The following PCDH9 variants were observed in gnomAD, a reference collection of about 807,000 sequenced individuals.
PCDH9 encodes protocadherin 9, also known as protocadherin-9.
PCDH9 carries 24 observed loss-of-function variants against 70.6 expected under a neutral mutation model. The observed-to-expected ratio is 0.34, with a 90% confidence interval of 0.25 to 0.48. The LOEUF is 0.48. Among genes scored for constraint, PCDH9 ranks in the 20% least tolerant of loss-of-function variants. The pLI is 0.99. For missense variants in PCDH9, 1,281 were observed against 1,503.6 expected (o/e 0.85, Z 2.45); for synonymous variants, 562 against 558.5 (o/e 1.01, Z -0.09).
intron 4 of PCDH9, among the ~76,000 whole-genome samples, chr13:66,572,693 C>T (rs536245921): frequency 5.3e-5 from 8 of 152,158 alleles, no homozygotes; most frequent in South Asian, 2.1e-4. Flanking sequence ...ATCTTTTCTA[C>T]GCATTGATCT....
At chr13:67,140,025 A>C (rs954426732) in intron 2 of PCDH9, among the ~76,000 whole-genome samples, 6,984 of 65,830 alleles carry the variant, frequency 0.11, 20 homozygotes, top group Non-Finnish European at 0.11. Context: ...TTTTTTGATC[A>C]CCCCCCCCCC....
At chr13:66,638,706 GAA>G (rs745822587) in intron 3 of PCDH9, among the ~76,000 whole-genome samples, 20 of 152,152 alleles carry the variant, frequency 1.3e-4, no homozygotes, top group Non-Finnish European at 2.4e-4. Flanking sequence ...TTTATTTACT[GAA>G]TGAAGATGAG....
chr13:67,180,782 G>A (rs1165837588), intron 2 of PCDH9, among the ~76,000 whole-genome samples: 2 of 152,020 alleles, frequency 1.3e-5, no homozygotes, highest in South Asian at 2.1e-4. Context: ...GCATTTCTGA[G>A]GCAAGTCTGA....
chr13:66,927,588 T>C (rs564112323), intron 2 of PCDH9, among the ~76,000 whole-genome samples: 1 of 152,096 alleles, frequency 6.6e-6, no homozygotes, highest in African/African-American at 2.4e-5. Context: ...TTTCTCACTA[T>C]ACTGGAGCCT....
intron 3 of PCDH9, among the ~76,000 whole-genome samples, chr13:66,653,756 A>G (rs1460836988): frequency 6.6e-6 from 1 of 152,052 alleles, no homozygotes; most frequent in Non-Finnish European, 1.5e-5. Flanking sequence ...TCATGAGGTC[A>G]GGAGACCCAG....
intron 2 of PCDH9, among the ~76,000 whole-genome samples, chr13:67,016,500 C>T (rs2084564661): frequency 6.6e-6 from 1 of 152,148 alleles, no homozygotes; most frequent in Admixed American, 6.5e-5. Flanking sequence ...GGCTCAAAGC[C>T]ATTATAGAGA....
chr13:66,408,834 C>T (rs530716417), intron 4 of PCDH9, among the ~76,000 whole-genome samples: 51 of 152,044 alleles, frequency 3.4e-4, no homozygotes, highest in Non-Finnish European at 6.2e-4. Flanking sequence ...TTCAAAATTA[C>T]TATTTCTTTT....
intron 2 of PCDH9, among the ~76,000 whole-genome samples, chr13:67,077,472 C>T (rs1219367543): frequency 6.6e-6 from 1 of 152,202 alleles, no homozygotes; most frequent in Non-Finnish European, 1.5e-5. Context: ...TGTTCCTCTA[C>T]ACCCTCCACT....
chr13:67,127,676 A>ATGTG (rs142545550), intron 2 of PCDH9, among the ~76,000 whole-genome samples: 38,563 of 145,274 alleles, frequency 0.27, 5,287 homozygotes, highest in East Asian at 0.51. Flanking sequence ...ATATATATAT[A>ATGTG]TGTGTGTGTG....
rs758718530 is a variant in PCDH9 at position 67,017,322 on chromosome 13, G to C, written c.3037-113717C>G. Among the ~76,000 whole-genome samples the C allele has an allele frequency of 2.6e-5, 4 of 152,120 alleles. No individual in the cohort carries two copies. In the East Asian group the frequency reaches 7.7e-4, roughly 29 times the overall value. ...ATTTCAGATTTCTGAACGTTCATTC[G>C]GTTTTACTATAAATGAAGTTTCACT... On this transcript the variant is annotated intron_variant, in intron 2 of 4. Transcript: ENST00000377865.
chr13:67,191,506 CTA>C (rs2088913385), intron 2 of PCDH9, among the ~76,000 whole-genome samples: 1 of 152,032 alleles, frequency 6.6e-6, no homozygotes, highest in Non-Finnish European at 1.5e-5. Flanking sequence ...TTAAAGGAAA[CTA>C]TTATATAATC....
rs146446636 is a variant in PCDH9, at chr13:66,929,585, A to C, written c.3037-25980T>G. 3.6e-3 allele frequency among the ~76,000 whole-genome samples: 546 copies of C among 152,162 alleles called. 7 individuals are homozygous for C. Among genetic ancestry groups the C allele is most frequent in the African/African-American group, 0.013 (528 of 41,528 alleles). On this transcript the variant is annotated intron_variant, in intron 2 of 4. Coordinates refer to ENST00000377865, the MANE Select transcript of PCDH9 (RefSeq NM_203487.3). Reference sequence around the variant, plus strand: ...GTGATCCACCTGCCTCCGCCTCCCAAAGTGCTGGGATTACAGGTGTGAGTT... The same window carrying C: ...GTGATCCACCTGCCTCCGCCTCCCACAGTGCTGGGATTACAGGTGTGAGTT...
At chr13:67,115,978 T>C (rs920400893) in intron 2 of PCDH9, among the ~76,000 whole-genome samples, 12 of 152,184 alleles carry the variant, frequency 7.9e-5, no homozygotes, top group African/African-American at 2.9e-4. Flanking sequence ...CAGTTTTGAA[T>C]CCAGATGCTG....
chr13:66,309,920 T>C (rs1268713536), intron 4 of PCDH9, among the ~76,000 whole-genome samples: 3 of 152,082 alleles, frequency 2.0e-5, no homozygotes, highest in African/African-American at 4.8e-5. Flanking sequence ...AATATATGTG[T>C]AGAATCCTGA....
chr13:66,441,743 T>A (rs959806859), intron 4 of PCDH9, among the ~76,000 whole-genome samples: 2 of 152,056 alleles, frequency 1.3e-5, no homozygotes, highest in Non-Finnish European at 2.9e-5. Context: ...CAGCTTTTAT[T>A]TTAACAATTT....
At chr13:66,917,849 C>A (rs1467076183) in intron 2 of PCDH9, among the ~76,000 whole-genome samples, 1 of 151,330 alleles carries the variant, frequency 6.6e-6, no homozygotes, top group Admixed American at 6.6e-5. Flanking sequence ...CTCTGCTATA[C>A]CCAAATCCCC....
At chr13:66,759,745 C>A (rs2079594017) in intron 3 of PCDH9, among the ~76,000 whole-genome samples, 1 of 63,572 alleles carries the variant, frequency 1.6e-5, no homozygotes, top group Admixed American at 1.7e-4. Flanking sequence ...TTGAGTCCTT[C>A]CACTTCATTT....
chr13:66,783,449 T>C (rs181511790), intron 3 of PCDH9, among the ~76,000 whole-genome samples: 3 of 152,176 alleles, frequency 2.0e-5, no homozygotes, highest in East Asian at 1.9e-4. Context: ...ATAAGCAGAA[T>C]AGTTCCCCTT....
At chr13:66,834,063 A>G (rs1397032574) in intron 3 of PCDH9, among the ~76,000 whole-genome samples, 1 of 152,030 alleles carries the variant, frequency 6.6e-6, no homozygotes, top group Non-Finnish European at 1.5e-5. Context: ...GGCACACTTC[A>G]TATATACATA....
Sources: gnomAD v4.1 joint callset for allele counts (sites outside exome capture counted in the v4.1 genomes callset) on GRCh38, gnomAD v4.1.1 for gene constraint, MANE v1.5 for transcripts, NCBI Gene and HGNC (gene_info 2026-07-23, HGNC 2026-07-21) for gene names.